PPP2R2B: variants seen among roughly 807,000 people sequenced by gnomAD.
The protein encoded by PPP2R2B is serine/threonine-protein phosphatase 2A 55 kDa regulatory subunit B beta isoform.
Under a neutral mutation model 46.0 loss-of-function variants are expected in PPP2R2B, and 5 were observed. The observed-to-expected ratio is 0.11, with a 90% CI of 0.06 to 0.23. The LOEUF is 0.23. PPP2R2B is among the 10% of genes least tolerant of loss of function. The pLI is 1.00. For synonymous variants in PPP2R2B, 215 were observed against 206.7 expected (o/e 1.04, Z -0.34); for missense variants, 367 against 575.0 (o/e 0.64, Z 3.70).
chr5:146,981,254 A>G lies in PPP2R2B; in HGVS notation c.79+74411T>C, dbSNP rs148999589. Among the ~76,000 whole-genome samples, 10 of 152,282 alleles carry G rather than the reference A, an allele frequency of 6.6e-5. No homozygotes were observed. In the East Asian group the frequency reaches 1.9e-3, roughly 29 times the overall value. ...CAGTTTTCTTCTTACTGAAGTTCAT[A>G]CTTCAATCCCTCTTTTAGGGAGAGT... On this transcript the variant is annotated intron_variant, in intron 1 of 8. Coordinates refer to the PPP2R2B transcript ENST00000336640.
At chr5:147,048,833 C>T (rs1311241129) in intron 1 of PPP2R2B, among the ~76,000 whole-genome samples, 1 of 152,024 alleles carries the variant, frequency 6.6e-6, no homozygotes, top group Admixed American at 6.6e-5. Context: ...GCTTTCAATC[C>T]ACAAATATTT....
At position 146,952,132 on chromosome 5, in the gene PPP2R2B, A is replaced by T. The variant is rs375550400; in HGVS notation, c.79+103533T>A. Reference sequence around the variant, plus strand: ...ATATGAGTAAACTGAAAATATTATTATCATGATCTTCAATATCTTCCCATG... The same window carrying T: ...ATATGAGTAAACTGAAAATATTATTTTCATGATCTTCAATATCTTCCCATG... On this transcript the variant is annotated intron_variant, in intron 1 of 8. Coordinates refer to the PPP2R2B transcript ENST00000336640. Among the ~76,000 whole-genome samples the T allele has an allele frequency of 3.3e-5, 5 of 152,162 alleles. No homozygotes were observed. The South Asian group carries it at 6.2e-4, about 19-fold the overall frequency.
chr5:146,589,784 G>T lies in PPP2R2B; in HGVS notation c.*163C>A. ...TATTGGGTTTGACAAAAGTTTCTTA[G>T]AACTGGGGAGCTGGGAATGTTGGAC... On this transcript the variant is annotated 3_prime_UTR_variant, in exon 10 of 10. Coordinates refer to ENST00000394411, the MANE Select transcript of PPP2R2B (RefSeq NM_181675.4). The T allele has an allele frequency of 1.3e-6, 1 of 761,338 alleles. No individual in the cohort carries two copies. Among genetic ancestry groups the T allele is most frequent in the Non-Finnish European group, 2.1e-6 (1 of 479,544 alleles). 47.2% of individuals were successfully genotyped at this position (761,338 alleles called of 1,614,324 possible).
intron 2 of PPP2R2B, among the ~76,000 whole-genome samples, chr5:147,076,213 G>C (rs1208073608): frequency 6.6e-6 from 1 of 151,848 alleles, no homozygotes; most frequent in Non-Finnish European, 1.5e-5. Context: ...AATAAACTAG[G>C]GTATATGTAC....
At chr5:147,076,636 T>A (rs994314895) in intron 2 of PPP2R2B, among the ~76,000 whole-genome samples, 4 of 152,208 alleles carry the variant, frequency 2.6e-5, no homozygotes, top group African/African-American at 9.6e-5. Flanking sequence ...CAAGTCTATT[T>A]TGCTCCACCA....
At chr5:146,935,618 T>C (rs948302783) in intron 1 of PPP2R2B, among the ~76,000 whole-genome samples, 9 of 152,038 alleles carry the variant, frequency 5.9e-5, no homozygotes, top group African/African-American at 1.2e-4. Flanking sequence ...TTCCCTGAAG[T>C]GGCATTTTAT....
At chr5:146,615,514 T>TAAAAAAAAAAAAAAAAAAAAAAA (rs1561772287) in intron 7 of PPP2R2B, among the ~76,000 whole-genome samples, 1 of 83,246 alleles carries the variant, frequency 1.2e-5, no homozygotes, top group African/African-American at 6.4e-5. Context: ...AAAAAAAAAA[T>TAAAAAAAAAAAAAAAAAAAAAAA]TAAAAAAAAA....
intron 2 of PPP2R2B, among the ~76,000 whole-genome samples, chr5:147,073,990 C>T (rs890989462): frequency 2.0e-5 from 3 of 150,900 alleles, no homozygotes; most frequent in Non-Finnish European, 4.4e-5. Context: ...GAGCCAAGAT[C>T]GCGCCACTGC....
At chr5:146,760,481 C>T (rs1302020853) in intron 2 of PPP2R2B, among the ~76,000 whole-genome samples, 1 of 152,142 alleles carries the variant, frequency 6.6e-6, no homozygotes. Flanking sequence ...GCAACTCATA[C>T]TCTTGCTGGA....
chr5:146,676,609 T>C (rs1002088654), intron 5 of PPP2R2B, among the ~76,000 whole-genome samples: 3 of 152,178 alleles, frequency 2.0e-5, no homozygotes, highest in Non-Finnish European at 4.4e-5. Flanking sequence ...CTCCCCATCA[T>C]CTGCTCTCCT....
intron 5 of PPP2R2B, among the ~76,000 whole-genome samples, chr5:146,661,653 T>C (rs11953229): frequency 0.18 from 26,754 of 152,082 alleles, 2,829 homozygotes; most frequent in East Asian, 0.36. Flanking sequence ...CTTTGTGTCA[T>C]TGACTTCTTT....
intron 1 of PPP2R2B, among the ~76,000 whole-genome samples, chr5:147,020,177 T>C: frequency 6.6e-6 from 1 of 152,150 alleles, no homozygotes; most frequent in East Asian, 1.9e-4. Context: ...TCATTCCTTC[T>C]AATAAATCCT....
chr5:146,754,081 A>G (rs913422293), intron 2 of PPP2R2B, among the ~76,000 whole-genome samples: 1 of 152,128 alleles, frequency 6.6e-6, no homozygotes, highest in Non-Finnish European at 1.5e-5. Flanking sequence ...AGTCCCCAAG[A>G]TATTTTGCCC....
intron 2 of PPP2R2B, chr5:146,706,682 G>T: frequency 1.1e-6 from 1 of 874,166 alleles, no homozygotes; most frequent in Non-Finnish European, 1.9e-6. Context: ...CCTGGAGCCA[G>T]CTGATGTTCC....
At chr5:147,064,462 T>G (rs1757359634) in intron 2 of PPP2R2B, among the ~76,000 whole-genome samples, 1 of 152,146 alleles carries the variant, frequency 6.6e-6, no homozygotes, top group South Asian at 2.1e-4. Flanking sequence ...AAAATTACCC[T>G]CCCACACCCT....
chr5:146,991,710 G>A (rs1016079559), intron 1 of PPP2R2B, among the ~76,000 whole-genome samples: 7 of 151,936 alleles, frequency 4.6e-5, no homozygotes, highest in South Asian at 4.2e-4. Flanking sequence ...TACAATTATT[G>A]TTTCAATTAT....
At chr5:146,669,514 C>T (rs1027807434) in intron 5 of PPP2R2B, among the ~76,000 whole-genome samples, 2 of 151,684 alleles carry the variant, frequency 1.3e-5, no homozygotes, top group Non-Finnish European at 2.9e-5. Flanking sequence ...ATATATTATT[C>T]TATATAGAGT....
At chr5:146,936,202 C>CA in intron 1 of PPP2R2B, among the ~76,000 whole-genome samples, 1 of 152,190 alleles carries the variant, frequency 6.6e-6, no homozygotes, top group Non-Finnish European at 1.5e-5. Flanking sequence ...AGTATCTTAT[C>CA]TTTTGAGAGT....
At chr5:146,912,764 C>G (rs1448870715) in intron 1 of PPP2R2B, among the ~76,000 whole-genome samples, 1 of 152,100 alleles carries the variant, frequency 6.6e-6, no homozygotes, top group Non-Finnish European at 1.5e-5. Flanking sequence ...GCTTCGGCCT[C>G]CCAAAGTGCT....
Sources: allele counts gnomAD v4.1 joint callset (sites outside exome capture counted in the v4.1 genomes callset), GRCh38; gene constraint gnomAD v4.1.1; transcripts MANE v1.5; gene names NCBI Gene and HGNC (gene_info 2026-07-23, HGNC 2026-07-21).